The following LINGO1 variants were observed in gnomAD, a reference collection of about 807,000 sequenced individuals.
The protein encoded by LINGO1 is leucine-rich repeat and immunoglobulin-like domain-containing nogo receptor-interacting protein 1.
In LINGO1, 11 loss-of-function variants were observed where a neutral mutation model predicts 37.3. That is an observed-to-expected ratio of 0.29 (90% CI 0.19 to 0.49). The LOEUF is 0.49. Ranked by LOEUF, LINGO1 falls within the 20% of genes least tolerant of loss-of-function variation. The pLI is 0.99. For missense variants in LINGO1, 585 were observed against 878.2 expected, an observed-to-expected ratio of 0.67 and a Z score of 4.22; for synonymous variants, 387 against 403.0, an observed-to-expected ratio of 0.96 and a Z score of 0.48.
At chr15:77,649,872 G>T (rs1028774896) in intron 3 of LINGO1, among the ~76,000 whole-genome samples, 1 of 151,916 alleles carries the variant, frequency 6.6e-6, no homozygotes, top group Non-Finnish European at 1.5e-5. Context: ...TCTTTTCCCC[G>T]CGACTCCTAC....
chr15:77,676,431 A>AT (rs908519396), intron 3 of LINGO1, among the ~76,000 whole-genome samples: 68 of 152,236 alleles, frequency 4.5e-4, no homozygotes, highest in African/African-American at 1.5e-3. Context: ...GGACAGCAGT[A>AT]TTTTTTTTCT....
At chr15:77,769,502 G>A (rs2076562647) in intron 1 of LINGO1, among the ~76,000 whole-genome samples, 1 of 152,214 alleles carries the variant, frequency 6.6e-6, no homozygotes. Flanking sequence ...GAGTGAGAAG[G>A]CACGTTCCCA....
intron 1 of LINGO1, among the ~76,000 whole-genome samples, chr15:77,766,313 A>AAAC: frequency 6.6e-6 from 1 of 151,234 alleles, no homozygotes; most frequent in African/African-American, 2.4e-5. Context: ...AAAAAAAAAA[A>AAAC]AAAACACACA....
Position 77,656,259 on chromosome 15 carries a change from G to A in LINGO1, c.-13+20830C>T, listed in dbSNP as rs558479174. 6.6e-5 allele frequency among the ~76,000 whole-genome samples: 10 copies of A among 152,214 alleles called. No homozygotes were observed. In the East Asian group the frequency reaches 1.9e-3, roughly 29 times the overall value. Reference sequence around the variant, plus strand: ...CTGGACTGAGCTTTGGGGAAAGGAGGTCCCTGATCAACCCTTGCAGCCCCA... The same window carrying A: ...CTGGACTGAGCTTTGGGGAAAGGAGATCCCTGATCAACCCTTGCAGCCCCA... On this transcript the variant is annotated intron_variant, in intron 3 of 3. Transcript: ENST00000559893.
intron 1 of LINGO1, among the ~76,000 whole-genome samples, chr15:77,808,410 C>T (rs1596250061): frequency 6.6e-6 from 1 of 152,150 alleles, no homozygotes; most frequent in Non-Finnish European, 1.5e-5. Context: ...GTTTGAGGAT[C>T]TGGATCCAGT....
chr15:77,810,683 T>C (rs1485534289), intron 1 of LINGO1, among the ~76,000 whole-genome samples: 1 of 152,198 alleles, frequency 6.6e-6, no homozygotes, highest in Non-Finnish European at 1.5e-5. Context: ...AGATCATCTC[T>C]AAGTACGCCT....
chr15:77,745,918 C>T (rs1215187366), intron 1 of LINGO1, among the ~76,000 whole-genome samples: 4 of 151,992 alleles, frequency 2.6e-5, no homozygotes, highest in Admixed American at 1.3e-4. Flanking sequence ...GCACCTGAGT[C>T]TGAAAGAACA....
At position 77,668,608 on chromosome 15, in the gene LINGO1, G is replaced by A. The variant is rs1263288722; in HGVS notation, c.-13+8481C>T. 4.6e-5 allele frequency among the ~76,000 whole-genome samples: 7 copies of A among 152,280 alleles called. No individual in the cohort carries two copies. In the East Asian group the frequency reaches 5.8e-4, roughly 13 times the overall value. ...AATGCACTTTACGTGCCAGGGTCACGACGCATGCGCAGGAATACATCCACA... is the reference window on the plus strand; with the variant it reads ...AATGCACTTTACGTGCCAGGGTCACAACGCATGCGCAGGAATACATCCACA... On this transcript the variant is annotated intron_variant, in intron 3 of 3. Transcript: ENST00000559893.
upstream of LINGO1, among the ~76,000 whole-genome samples, chr15:77,788,904 C>T (rs549833917): frequency 2.0e-5 from 3 of 152,290 alleles, no homozygotes; most frequent in East Asian, 3.9e-4. Flanking sequence ...TGGATCACGA[C>T]AAGTACACAC....
At chr15:77,671,847 C>T (rs1459999960) in intron 3 of LINGO1, among the ~76,000 whole-genome samples, 1 of 152,238 alleles carries the variant, frequency 6.6e-6, no homozygotes, top group Non-Finnish European at 1.5e-5. Context: ...GCCTCACTAT[C>T]TCCTCCTACG....
At chr15:77,656,635 G>A (rs1050916904) in intron 3 of LINGO1, among the ~76,000 whole-genome samples, 6 of 152,104 alleles carry the variant, frequency 3.9e-5, no homozygotes, top group Admixed American at 2.0e-4. Context: ...TTGGGCACAC[G>A]AGACCACCTC....
chr15:77,699,191 G>A (rs547664904), upstream of LINGO1, among the ~76,000 whole-genome samples: 7 of 151,782 alleles, frequency 4.6e-5, no homozygotes, highest in African/African-American at 9.7e-5. Context: ...TAGTCCCCTC[G>A]TTTCCCTGGG....
intron 2 of LINGO1, among the ~76,000 whole-genome samples, chr15:77,795,464 C>T (rs138822890): frequency 6.6e-6 from 1 of 152,296 alleles, no homozygotes; most frequent in African/African-American, 2.4e-5. Flanking sequence ...CCTTATCCTG[C>T]CCTGAAGGTG....
At chr15:77,752,513 C>T (rs944844911) in intron 1 of LINGO1, among the ~76,000 whole-genome samples, 1 of 152,198 alleles carries the variant, frequency 6.6e-6, no homozygotes, top group Non-Finnish European at 1.5e-5. Context: ...GGCTCTGTCC[C>T]ATCTTTTTGA....
At chr15:77,685,582 G>A (rs919149293) in intron 2 of LINGO1, among the ~76,000 whole-genome samples, 1 of 152,060 alleles carries the variant, frequency 6.6e-6, no homozygotes, top group Non-Finnish European at 1.5e-5. Context: ...TTTAGGCAGG[G>A]TGCAGTGGCT....
chr15:77,623,901 GTC>G (rs748288373), intron 1 of LINGO1, among the ~76,000 whole-genome samples: 24 of 145,162 alleles, frequency 1.7e-4, no homozygotes, highest in Non-Finnish European at 2.9e-4. Context: ...TGTGTGTGTG[GTC>G]TCTGTGTGTG....
intron 1 of LINGO1, among the ~76,000 whole-genome samples, chr15:77,745,222 C>T (rs2076302255): frequency 6.6e-6 from 1 of 151,400 alleles, no homozygotes; most frequent in East Asian, 1.9e-4. Flanking sequence ...GTCAGGAGAT[C>T]GAGACCATCC....
Position 77,614,362 on chromosome 15 carries a change from G to A in LINGO1, c.1545C>T (p.Arg515=), listed in dbSNP as rs778274525. 1.4e-5 allele frequency: 23 copies of A among 1,613,734 alleles called. No individual in the cohort carries two copies. Among genetic ancestry groups the A allele is most frequent in the Non-Finnish European group, 1.8e-5 (21 of 1,179,894 alleles). The change falls in exon 2 of 2, where the codon CGC becomes CGT. Residue 515 remains arginine (R), a synonymous_variant. Coordinates refer to ENST00000355300, the MANE Select transcript of LINGO1 (RefSeq NM_032808.7). ...NDSMPAHLHV[R]SYSPDWPHQP... is the part of the protein sequence containing the mutation. ...GATGGGGCCAGTCGGGCGAGTAGCT[G>A]CGCACATGCAGGTGGGCGGGCATGG...
At chr15:77,633,210 G>A (rs1453357873), upstream of LINGO1, among the ~76,000 whole-genome samples, 1 of 152,086 alleles carries the variant, frequency 6.6e-6, no homozygotes, top group African/African-American at 2.4e-5. Context: ...GCGAGTCCCG[G>A]GCCAGCCGGG....
Sources: gnomAD v4.1 joint callset for allele counts (sites outside exome capture counted in the v4.1 genomes callset) on GRCh38, gnomAD v4.1.1 for gene constraint, MANE v1.5 for transcripts, NCBI Gene and HGNC (gene_info 2026-07-23, HGNC 2026-07-21) for gene names.